BICDL1: variants seen among roughly 807,000 people sequenced by gnomAD.
BICDL1 encodes BICD family like cargo adaptor 1.
A neutral mutation model predicts 76.8 loss-of-function variants in BICDL1; 20 were observed. That is an observed-to-expected ratio of 0.26 (90% CI 0.18 to 0.38). The LOEUF (loss-of-function observed/expected upper bound fraction) is 0.38, where lower values mean the gene tolerates loss of function less well. Among genes scored for constraint, BICDL1 ranks in the 10% least tolerant of loss-of-function variants. The pLI is 1.00. For missense variants in BICDL1, 700 were observed against 798.6 expected (o/e 0.88, Z 1.49); for synonymous variants, 383 against 337.1 (o/e 1.14, Z -1.49).
chr12:120,056,290 A>G (rs1157732119), intron 2 of BICDL1, among the ~76,000 whole-genome samples: 1 of 152,246 alleles, frequency 6.6e-6, no homozygotes, highest in Non-Finnish European at 1.5e-5. Flanking sequence ...AAGTCTTGCC[A>G]TCTATTTTAT....
chr12:120,093,008 G>T lies in BICDL1; in HGVS notation c.1713G>T (p.Met571Ile). The T allele has an allele frequency of 6.4e-7, 1 of 1,567,776 alleles. No homozygotes were observed. ...TCCCCTCCCCTCTGCAGGATGACAT[G>T]CACAGGGTCATTGACCGGCAGCTGA... Reference protein sequence around the residue: ...SQQLEAWQDDMHRVIDRQLMD... With the variant: ...SQQLEAWQDDIHRVIDRQLMD... The change falls in exon 10 of 10, where the codon ATG becomes ATT. Residue 571 changes from methionine (M) to isoleucine (I), a missense_variant. Met to Ile is a conservative substitution (Grantham distance 10). Transcript: ENST00000548673.
chr12:120,000,139 G>T (rs1951731299), intron 2 of BICDL1: 1 of 155,478 alleles, frequency 6.4e-6, no homozygotes. Context: ...AGGAAAGGTA[G>T]AGGAGAGGGA....
rs114711203 is a variant in BICDL1, at chr12:120,007,361, C to T, written c.645+8625C>T. Among the ~76,000 whole-genome samples, 1,220 of 152,260 alleles carry T rather than the reference C, an allele frequency of 8.0e-3. 18 individuals carry two copies. The highest frequency in any genetic ancestry group is 0.027 in the African/African-American group (1,113 of 41,538). ...GCAGCCATCTGAGCTCTCTCAGGAC[C>T]TGAGACTCTGTTCTAGTACCTTTCA... On this transcript the variant is annotated intron_variant, in intron 2 of 9. Coordinates refer to ENST00000548673, the MANE Select transcript of BICDL1 (RefSeq NM_001367886.1).
At position 120,004,213 on chromosome 12, in the gene BICDL1, G is replaced by GC. The variant is rs960517698; in HGVS notation, c.645+5477_645+5478insC. Reference sequence around the variant, plus strand: ...ATTGTGCTATATTCTTTTTGCATTTGTTTTCCCAGAGCCCCCTCCATTTAT... The same window carrying GC: ...ATTGTGCTATATTCTTTTTGCATTTGCTTTTCCCAGAGCCCCCTCCATTTAT... On this transcript the variant is annotated intron_variant, in intron 2 of 9. Coordinates refer to ENST00000548673, the MANE Select transcript of BICDL1 (RefSeq NM_001367886.1). Among the ~76,000 whole-genome samples, 45 of 152,124 alleles carry GC rather than the reference G, an allele frequency of 3.0e-4. 1 individual carries two copies. Among genetic ancestry groups the GC allele is most frequent in the African/African-American group, 1.0e-3 (43 of 41,510 alleles).
intron 2 of BICDL1, among the ~76,000 whole-genome samples, chr12:120,054,228 A>C (rs983112009): frequency 1.3e-5 from 2 of 151,482 alleles, no homozygotes; most frequent in African/African-American, 4.9e-5. Context: ...GTGCCCCACC[A>C]CCCCCGGCTA....
rs566929810 is a variant in BICDL1 at position 120,024,687 on chromosome 12, CTTT to C, written c.645+25952_645+25954del. Among the ~76,000 whole-genome samples the C allele has an allele frequency of 5.1e-3, 777 of 152,152 alleles. 3 individuals carry two copies. The highest frequency in any genetic ancestry group is 7.9e-3 in the Non-Finnish European group (536 of 67,968). On this transcript the variant is annotated intron_variant, in intron 2 of 9. Coordinates refer to ENST00000548673, the MANE Select transcript of BICDL1 (RefSeq NM_001367886.1). ...ATAATAATTTATTTAAATCCTCTTT[CTTT>C]CTTTCTTTCTTTTTTTTAACAGAGT... is the stretch of plus-strand genomic sequence containing the variant.
At chr12:119,997,964 A>G (rs1442826685) in intron 1 of BICDL1, among the ~76,000 whole-genome samples, 1 of 152,118 alleles carries the variant, frequency 6.6e-6, no homozygotes, top group African/African-American at 2.4e-5. Flanking sequence ...AAATACAAAA[A>G]TCAGCCCAGT....
chr12:120,030,889 AG>A (rs756520810), intron 2 of BICDL1, among the ~76,000 whole-genome samples: 69 of 152,338 alleles, frequency 4.5e-4, no homozygotes, highest in Non-Finnish European at 8.5e-4. Flanking sequence ...GTTTGCCTCA[AG>A]GCATGGGTTT....
chr12:120,053,940 A>C (rs1405981916), intron 2 of BICDL1, among the ~76,000 whole-genome samples: 1 of 152,140 alleles, frequency 6.6e-6, no homozygotes, highest in African/African-American at 2.4e-5. Context: ...TGAGGGGCCA[A>C]GGTGGGCGGA....
At chr12:120,053,011 C>T (rs548950611) in intron 2 of BICDL1, among the ~76,000 whole-genome samples, 6 of 152,262 alleles carry the variant, frequency 3.9e-5, no homozygotes, top group East Asian at 1.9e-4. Flanking sequence ...AACTCCTGAC[C>T]GCAAATGATC....
intron 2 of BICDL1, among the ~76,000 whole-genome samples, chr12:120,047,927 A>G (rs1027200258): frequency 9.9e-5 from 15 of 152,188 alleles, no homozygotes; most frequent in African/African-American, 3.4e-4. Context: ...CTTATAGTTT[A>G]TATCTCTCAT....
chr12:119,995,508 C>T lies in BICDL1; in HGVS notation c.430-3013C>T, dbSNP rs1377262334. 2.0e-5 allele frequency among the ~76,000 whole-genome samples: 3 copies of T among 152,176 alleles called. No homozygotes were observed. The East Asian group carries it at 5.8e-4, about 29-fold the overall frequency. Reference sequence around the variant, plus strand: ...CTGAATATTTTTAAGTCACTCTGTTCTTTTAGAACACGAGCCTAATTTATC... The same window carrying T: ...CTGAATATTTTTAAGTCACTCTGTTTTTTTAGAACACGAGCCTAATTTATC... On this transcript the variant is annotated intron_variant, in intron 1 of 9. Coordinates refer to ENST00000548673, the MANE Select transcript of BICDL1 (RefSeq NM_001367886.1).
chr12:120,040,953 G>T (rs907696635), intron 2 of BICDL1, among the ~76,000 whole-genome samples: 3 of 151,684 alleles, frequency 2.0e-5, no homozygotes, highest in Admixed American at 6.6e-5. Context: ...CGCCATGTTG[G>T]CCAGGATGGT....
At chr12:120,031,203 C>CTTT (rs140797711) in intron 2 of BICDL1, among the ~76,000 whole-genome samples, 4 of 130,862 alleles carry the variant, frequency 3.1e-5, no homozygotes, top group Admixed American at 7.6e-5. Flanking sequence ...TAACATGTTC[C>CTTT]TTTTTTTTTT....
chr12:120,091,716 AC>A, intron 9 of BICDL1: 10 of 985,308 alleles, frequency 1.0e-5, no homozygotes, highest in Non-Finnish European at 1.1e-5. Context: ...ACTCACTGCT[AC>A]CCCACGATGA....
intron 2 of BICDL1, among the ~76,000 whole-genome samples, chr12:120,040,580 T>C (rs1164802223): frequency 3.3e-5 from 5 of 151,928 alleles, no homozygotes; most frequent in South Asian, 2.1e-4. Context: ...CACACCCGGC[T>C]AATTTTTTTG....
At chr12:120,041,443 G>A (rs1459675257) in intron 2 of BICDL1, among the ~76,000 whole-genome samples, 3 of 152,142 alleles carry the variant, frequency 2.0e-5, no homozygotes, top group African/African-American at 7.2e-5. Flanking sequence ...ATTCAAATTT[G>A]TCTGCTATGT....
At chr12:120,052,498 C>G (rs1952883998) in intron 2 of BICDL1, among the ~76,000 whole-genome samples, 1 of 152,040 alleles carries the variant, frequency 6.6e-6, no homozygotes, top group Admixed American at 6.6e-5. Flanking sequence ...GTTATTCAGT[C>G]TTGCCGAGAA....
chr12:120,074,474 A>C lies in BICDL1; in HGVS notation c.1340A>C (p.Glu447Ala). ...CGGAGACTTGATGATGACTCCTTAG[A>C]AGAACAGATAAGGCAGACCAGTGAG... is the stretch of plus-strand genomic sequence containing the variant. Reference protein sequence around the residue: ...GSRRLDDDSLEEQIRQTSEDS... With the variant: ...GSRRLDDDSLAEQIRQTSEDS... Residue 447 changes from glutamate to alanine, a missense_variant, in exon 7 of 10, where the codon GAA becomes GCA. Glu to Ala is a moderately radical substitution (Grantham distance 107, BLOSUM62 -1). This residue lies in a region of BICDL1 where 455 missense variants were observed against 548.7 expected (regional missense o/e 0.83). Coordinates refer to ENST00000548673, the MANE Select transcript of BICDL1 (RefSeq NM_001367886.1). 1 of 1,265,108 alleles carries C rather than the reference A, an allele frequency of 7.9e-7. No homozygotes were observed. Among genetic ancestry groups the C allele is most frequent in the South Asian group, 1.3e-5 (1 of 77,076 alleles). 78.4% of individuals were successfully genotyped at this position (1,265,108 alleles called of 1,614,324 possible).
Sources: allele counts gnomAD v4.1 joint callset (sites outside exome capture counted in the v4.1 genomes callset), GRCh38; gene constraint gnomAD v4.1.1; regional missense constraint gnomAD v4.1.1; transcripts MANE v1.5; gene names NCBI Gene and HGNC (gene_info 2026-07-23, HGNC 2026-07-21).